Variants in SRRM3 observed in about 807,000 individuals in gnomAD.
SRRM3 encodes the protein serine/arginine repetitive matrix protein 3.
A neutral mutation model predicts 66.2 loss-of-function variants in SRRM3; 27 were observed. The observed-to-expected ratio is 0.41, with a 90% CI of 0.30 to 0.56. SRRM3 has a LOEUF of 0.56. SRRM3 is among the 20% of genes least tolerant of loss of function. The probability of loss-of-function intolerance (pLI) is 0.32; values close to 1 mark genes in which losing one functional copy is unlikely to be tolerated. For synonymous variants in SRRM3, 391 were observed against 414.9 expected, an observed-to-expected ratio of 0.94 and a Z score of 0.70; for missense variants, 918 against 991.9, an observed-to-expected ratio of 0.93 and a Z score of 1.00.
intron 1 of SRRM3, among the ~76,000 whole-genome samples, chr7:76,217,603 G>A (rs968898850): frequency 2.0e-5 from 3 of 152,106 alleles, no homozygotes; most frequent in African/African-American, 4.8e-5. Context: ...CAGGTTTTAC[G>A]TCCAGCATAA....
Position 76,259,979 on chromosome 7 carries a change from G to A in SRRM3, c.409G>A (p.Gly137Ser), listed in dbSNP as rs782503957. The A allele has an allele frequency of 6.3e-7, 1 of 1,599,650 alleles. No individual in the cohort carries two copies. The highest frequency in any genetic ancestry group is 8.5e-7 in the Non-Finnish European group (1 of 1,178,498). ...GTACGCGCCCTTTGACGATGACGAC[G>A]GCCCAGTGGACTGTGACTGCCCGGC... ...LEYAPFDDDD[G>S]PVDCDCPASC... Residue 137 changes from glycine to serine, a missense_variant, in exon 4 of 15, where the codon GGC becomes AGC. Transcript: ENST00000611745.
chr7:76,252,460 T>C (rs1313219052), intron 3 of SRRM3, among the ~76,000 whole-genome samples: 1 of 152,164 alleles, frequency 6.6e-6, no homozygotes, highest in Non-Finnish European at 1.5e-5. Context: ...TAGCTGGGAT[T>C]ATAGGCATGT....
chr7:76,250,234 T>G (rs1191502712), intron 3 of SRRM3, among the ~76,000 whole-genome samples: 5 of 151,486 alleles, frequency 3.3e-5, no homozygotes, highest in Admixed American at 1.3e-4. Flanking sequence ...TGTTTTGTTT[T>G]GTTTTGTTTT....
intron 1 of SRRM3, among the ~76,000 whole-genome samples, chr7:76,206,848 A>T (rs112936922): frequency 4.6e-5 from 7 of 152,314 alleles, no homozygotes; most frequent in African/African-American, 1.4e-4. Context: ...TGCCCACTGC[A>T]GAGGCTGCTG....
At chr7:76,248,152 G>A in intron 2 of SRRM3, 36 bp from the exon 3 acceptor site, 1 of 1,564,726 alleles carries the variant, frequency 6.4e-7, no homozygotes. Flanking sequence ...CCAAATCTGG[G>A]AGACCAGCCC....
chr7:76,214,740 G>T (rs77930202), intron 1 of SRRM3, among the ~76,000 whole-genome samples: 1,540 of 152,120 alleles, frequency 0.01, 24 homozygotes, highest in African/African-American at 0.033. Context: ...GTTTGGCAGG[G>T]ACCAGTGGGA....
chr7:76,257,214 G>A (rs1396940335), intron 3 of SRRM3, among the ~76,000 whole-genome samples: 1 of 152,022 alleles, frequency 6.6e-6, no homozygotes, highest in Non-Finnish European at 1.5e-5. Context: ...CAAAACTCAT[G>A]TTCTTAATGC....
At chr7:76,265,772 T>A (rs1469503012) in intron 10 of SRRM3, among the ~76,000 whole-genome samples, 1 of 133,178 alleles carries the variant, frequency 7.5e-6, no homozygotes, top group Non-Finnish European at 1.6e-5. Context: ...ATATATTTAA[T>A]ATTTATATAT....
chr7:76,220,079 A>C (rs1284578576), intron 1 of SRRM3, among the ~76,000 whole-genome samples: 3 of 152,186 alleles, frequency 2.0e-5, no homozygotes, highest in Non-Finnish European at 2.9e-5. Flanking sequence ...GTAAAACAAT[A>C]AGTAGTGAGC....
At chr7:76,247,582 C>T (rs1197758707) in intron 2 of SRRM3, among the ~76,000 whole-genome samples, 2 of 152,124 alleles carry the variant, frequency 1.3e-5, no homozygotes, top group Non-Finnish European at 2.9e-5. Flanking sequence ...AGGAGGGGCT[C>T]AGCCTCACCT....
In SRRM3 at chr7:76,278,244, T is replaced by C. The variant is rs181381896; in HGVS notation, c.1009-3197T>C. On this transcript the variant is annotated intron_variant, in intron 11 of 14. Coordinates refer to ENST00000611745, the MANE Select transcript of SRRM3 (RefSeq NM_001110199.3). ...GCTCACACCTGTAATCCCAGCACTT[T>C]GGGAGGCCGAGGCAGGTGGATCACC... Among the ~76,000 whole-genome samples the C allele has an allele frequency of 3.6e-3, 552 of 151,984 alleles. 6 individuals carry two copies. Among genetic ancestry groups the C allele is most frequent in the African/African-American group, 6.6e-3 (275 of 41,474 alleles).
chr7:76,273,857 C>T (rs1307035914), intron 11 of SRRM3, among the ~76,000 whole-genome samples: 1 of 152,182 alleles, frequency 6.6e-6, no homozygotes, highest in Non-Finnish European at 1.5e-5. Context: ...CATCTCCCCT[C>T]CTTCTTCACC....
At chr7:76,262,595 C>A (rs533098028) in intron 8 of SRRM3, among the ~76,000 whole-genome samples, 1 of 149,296 alleles carries the variant, frequency 6.7e-6, no homozygotes, top group South Asian at 2.1e-4. Context: ...GCCGAGGTGG[C>A]TGGATCATTT....
At chr7:76,275,223 A>C (rs1391122933) in intron 11 of SRRM3, among the ~76,000 whole-genome samples, 1 of 151,634 alleles carries the variant, frequency 6.6e-6, no homozygotes, top group Non-Finnish European at 1.5e-5. Flanking sequence ...TCCCTACCCC[A>C]CCCCATGTTT....
chr7:76,240,192 A>G (rs77674145), intron 2 of SRRM3, among the ~76,000 whole-genome samples: 11,515 of 149,236 alleles, frequency 0.077, 1,024 homozygotes, highest in African/African-American at 0.21. Context: ...TAATAATAAT[A>G]ATAATAATTA....
Position 76,285,867 on chromosome 7 carries a change from C to A in SRRM3, c.*24C>A. 1 of 1,534,636 alleles carries A rather than the reference C, an allele frequency of 6.5e-7. No homozygotes were observed. Among genetic ancestry groups the A allele is most frequent in the Non-Finnish European group, 8.8e-7 (1 of 1,136,308 alleles). On this transcript the variant is annotated 3_prime_UTR_variant, in exon 15 of 15. Coordinates refer to ENST00000611745, the MANE Select transcript of SRRM3 (RefSeq NM_001110199.3). This position sits in a 1 kb window ranked among gnomAD's most constrained non-coding sequence, Gnocchi z 4.1. The stretch of plus-strand genomic sequence containing the variant: ...GAGCCCAGACAGACTCAGCTTGGTG[C>A]CCCCCTGGCACTGGGAGAGGCGAGG...
intron 8 of SRRM3, 82 bp downstream of exon 8, chr7:76,261,663 T>G: frequency 6.8e-7 from 1 of 1,466,096 alleles, no homozygotes. Flanking sequence ...GAGGGGGTTT[T>G]GAGGGTCCCA....
Position 76,235,098 on chromosome 7 carries a change from G to T in SRRM3, c.32G>T (p.Ser11Ile). MSSTVNNGAA[S>I]MQSTPDAANG... Reference sequence around the variant, plus strand: ...TCCACCGTGAACAACGGGGCGGCCAGCATGCAGTCCACACCCGACGCCGCG... The same window carrying T: ...TCCACCGTGAACAACGGGGCGGCCATCATGCAGTCCACACCCGACGCCGCG... The change falls in exon 2 of 15, where the codon AGC (serine) becomes ATC (isoleucine). Residue 11 changes from serine (S) to isoleucine (I), a missense_variant. By Grantham distance (142) the Ser-to-Ile change is moderately radical. Transcript: ENST00000611745. The T allele has an allele frequency of 6.3e-7, 1 of 1,586,654 alleles. No individual in the cohort carries two copies. The highest frequency in any genetic ancestry group is 8.5e-7 in the Non-Finnish European group (1 of 1,171,474).
At chr7:76,225,468 C>T (rs1463437003) in intron 1 of SRRM3, among the ~76,000 whole-genome samples, 1 of 92,498 alleles carries the variant, frequency 1.1e-5, no homozygotes, top group Non-Finnish European at 2.2e-5. Flanking sequence ...CTGCCCCCCT[C>T]CCCGCCCCCC....
Sources: allele counts gnomAD v4.1 joint callset (sites outside exome capture counted in the v4.1 genomes callset), GRCh38; gene constraint gnomAD v4.1.1; non-coding constraint Gnocchi (gnomAD v3.1); transcripts MANE v1.5; gene names NCBI Gene and HGNC (gene_info 2026-07-23, HGNC 2026-07-21).